MAP4K3: variants seen among roughly 807,000 people sequenced by gnomAD.
MAP4K3 encodes the protein mitogen-activated protein kinase kinase kinase kinase 3, also known as MAPK/ERK kinase kinase kinase 3.
MAP4K3 carries 94 observed loss-of-function variants against 143.5 expected under a neutral mutation model. That is an observed-to-expected ratio of 0.65 (90% CI 0.55 to 0.78). MAP4K3 has a LOEUF of 0.78. Ranked by LOEUF, MAP4K3 falls within the 30% of genes least tolerant of loss-of-function variation. The pLI, the probability that MAP4K3 is intolerant of heterozygous loss-of-function variation, is 0.00. For synonymous variants in MAP4K3, 416 were observed against 347.2 expected (o/e 1.20, Z -2.20); for missense variants, 1,077 against 1,068.1 (o/e 1.01, Z -0.12).
At chr2:39,393,667 A>T (rs1461476110) in intron 1 of MAP4K3, among the ~76,000 whole-genome samples, 1 of 152,156 alleles carries the variant, frequency 6.6e-6, no homozygotes, top group Non-Finnish European at 1.5e-5. Flanking sequence ...GGGTGAATGA[A>T]CCAATTTCTA....
chr2:39,421,871 C>T (rs565017640), intron 1 of MAP4K3, among the ~76,000 whole-genome samples: 4 of 152,180 alleles, frequency 2.6e-5, no homozygotes, highest in East Asian at 3.9e-4. Flanking sequence ...CTAAACAACA[C>T]ATTAAAGCCA....
At chr2:39,281,191 A>G (rs1049030906) in intron 22 of MAP4K3, among the ~76,000 whole-genome samples, 1 of 152,222 alleles carries the variant, frequency 6.6e-6, no homozygotes, top group African/African-American at 2.4e-5. Flanking sequence ...GGCCTAAATT[A>G]AAAGAACAGC....
intron 1 of MAP4K3, among the ~76,000 whole-genome samples, chr2:39,421,214 T>C (rs1667536816): frequency 6.6e-6 from 1 of 152,188 alleles, no homozygotes; most frequent in South Asian, 2.1e-4. Flanking sequence ...ATTTAATTTA[T>C]AACCTGGAGA....
intron 4 of MAP4K3, among the ~76,000 whole-genome samples, chr2:39,341,057 TCA>T (rs1665125944): frequency 1.3e-5 from 2 of 152,122 alleles, no homozygotes; most frequent in South Asian, 4.2e-4. Context: ...AGAGCAAAAT[TCA>T]CAGAGGTAAG....
chr2:39,395,397 G>T lies in MAP4K3; in HGVS notation c.97-17274C>A, dbSNP rs996011844. On this transcript the variant is annotated intron_variant, in intron 1 of 33. Transcript: ENST00000263881. ...TGGTTTTATTCAGGCTACACAGCAA[G>T]TATTAATAAGCTTTTCCACTATCTG... is the stretch of plus-strand genomic sequence containing the variant. 5.3e-5 allele frequency among the ~76,000 whole-genome samples: 8 copies of T among 152,082 alleles called. No individual in the cohort carries two copies. The East Asian group carries it at 1.4e-3, about 26-fold the overall frequency.
At chr2:39,409,984 G>T (rs1667193197) in intron 1 of MAP4K3, among the ~76,000 whole-genome samples, 1 of 152,176 alleles carries the variant, frequency 6.6e-6, no homozygotes, top group South Asian at 2.1e-4. Flanking sequence ...CATTGTTAAG[G>T]TACTTTGAAA....
chr2:39,424,830 C>CAAAAA (rs58960920), intron 1 of MAP4K3, among the ~76,000 whole-genome samples: 70 of 68,138 alleles, frequency 1.0e-3, no homozygotes, highest in Middle Eastern at 6.9e-3. Context: ...TAACCTGACT[C>CAAAAA]AAAAAAAAAA....
intron 8 of MAP4K3, among the ~76,000 whole-genome samples, chr2:39,326,566 A>C (rs1324024225): frequency 6.6e-6 from 1 of 152,084 alleles, no homozygotes; most frequent in Non-Finnish European, 1.5e-5. Context: ...TTAATGCTGG[A>C]ATGAGTTAAG....
At chr2:39,323,065 GCAATTA>G (rs1178617932) in intron 12 of MAP4K3, among the ~76,000 whole-genome samples, 3 of 152,084 alleles carry the variant, frequency 2.0e-5, no homozygotes, top group African/African-American at 7.2e-5. Flanking sequence ...ACTGCACTTA[GCAATTA>G]CAATTACAAA....
intron 15 of MAP4K3, among the ~76,000 whole-genome samples, chr2:39,301,085 ACATTT>A (rs139447084): frequency 0.048 from 7,311 of 152,296 alleles, 296 homozygotes; most frequent in African/African-American, 0.11. Context: ...GCAATACATT[ACATTT>A]AAGAGAGAAG....
intron 1 of MAP4K3, among the ~76,000 whole-genome samples, chr2:39,425,705 T>C (rs1376797976): frequency 2.0e-5 from 3 of 152,216 alleles, no homozygotes; most frequent in African/African-American, 7.2e-5. Context: ...CTGTGGTATG[T>C]TGTTACGGCA....
At chr2:39,425,523 T>C (rs1362662673) in intron 1 of MAP4K3, among the ~76,000 whole-genome samples, 1 of 152,056 alleles carries the variant, frequency 6.6e-6, no homozygotes, top group Non-Finnish European at 1.5e-5. Context: ...GGCCTCAGGA[T>C]GGGATAAGTG....
At chr2:39,390,892 C>T (rs1292221256) in intron 1 of MAP4K3, among the ~76,000 whole-genome samples, 2 of 152,150 alleles carry the variant, frequency 1.3e-5, no homozygotes, top group Non-Finnish European at 2.9e-5. Flanking sequence ...GAAAGTCTGT[C>T]TTCAGAAATC....
chr2:39,331,603 A>G lies in MAP4K3; in HGVS notation c.530+314T>C, dbSNP rs575151722. ...TGGAAATGGGGGTGAAGAAAGATAT[A>G]AAAACACCTGTGAAAATACATGAGA... On this transcript the variant is annotated intron_variant, in intron 8 of 33. Transcript: ENST00000263881. Among the ~76,000 whole-genome samples, 115 of 152,284 alleles carry G rather than the reference A, an allele frequency of 7.6e-4. 1 individual carries two copies. Among genetic ancestry groups the G allele is most frequent in the South Asian group, 1.7e-3 (8 of 4,830 alleles).
intron 26 of MAP4K3, 80 bp downstream of exon 26, chr2:39,272,203 T>C (rs918674888): frequency 1.9e-6 from 2 of 1,055,432 alleles, no homozygotes; most frequent in Admixed American, 2.1e-5. Context: ...CCAAACTGAG[T>C]GCTCTTTCAC....
intron 4 of MAP4K3, among the ~76,000 whole-genome samples, 180 bp downstream of exon 4, chr2:39,343,208 T>C (rs939269937): frequency 6.6e-6 from 1 of 152,154 alleles, no homozygotes; most frequent in African/African-American, 2.4e-5. Flanking sequence ...TTTTCCAAAT[T>C]AAAAAGCAAA....
In MAP4K3 at chr2:39,269,470, C is replaced by CTTTTT. The variant is rs59479315; in HGVS notation, c.1974-2228_1974-2224dup. Reference sequence around the variant, plus strand: ...CTGAAGCTTAGATTTTTGCTCAGGTCTTTTTTTTTTTTTTTTTTTTTGGAG... The same window carrying CTTTTT: ...CTGAAGCTTAGATTTTTGCTCAGGTCTTTTTTTTTTTTTTTTTTTTTTTTTTGGAG... On this transcript the variant is annotated intron_variant, in intron 26 of 33. Transcript: ENST00000263881. Among the ~76,000 whole-genome samples the CTTTTT allele has an allele frequency of 7.2e-3, 647 of 89,620 alleles. 33 individuals are homozygous for CTTTTT. The highest frequency in any genetic ancestry group is 0.027 in the African/African-American group (585 of 21,880). 58.8% of individuals were successfully genotyped at this position (89,620 alleles called of 152,430 possible). A position where few individuals can be genotyped will look rare whatever the true frequency, so the allele number is the denominator to read the frequency against.
chr2:39,418,149 A>G (rs1667436581), intron 1 of MAP4K3, among the ~76,000 whole-genome samples: 1 of 151,320 alleles, frequency 6.6e-6, no homozygotes, highest in Non-Finnish European at 1.5e-5. Flanking sequence ...GGTTGCAGTG[A>G]GCAGAGACTG....
chr2:39,271,306 G>T (rs1681007567), intron 26 of MAP4K3, among the ~76,000 whole-genome samples: 1 of 152,112 alleles, frequency 6.6e-6, no homozygotes, highest in African/African-American at 2.4e-5. Context: ...AAATCTGGAA[G>T]AAACGAACAC....
Sources: allele counts gnomAD v4.1 joint callset (sites outside exome capture counted in the v4.1 genomes callset), GRCh38; gene constraint gnomAD v4.1.1; transcripts MANE v1.5; gene names NCBI Gene and HGNC (gene_info 2026-07-23, HGNC 2026-07-21).